Variants in LRP12 observed in about 807,000 individuals in gnomAD.
The protein encoded by LRP12 is low-density lipoprotein receptor-related protein 12.
A neutral mutation model predicts 66.0 loss-of-function variants in LRP12; 14 were observed. The ratio of observed to expected loss-of-function variants is 0.21; its 90% CI spans 0.14 to 0.33. LRP12 has a LOEUF of 0.33. Ranked by LOEUF, LRP12 falls within the 10% of genes least tolerant of loss-of-function variation. The pLI is 1.00. For synonymous variants in LRP12, 357 were observed against 359.1 expected (o/e 0.99, Z 0.07); for missense variants, 889 against 1,053.4 (o/e 0.84, Z 2.16).
intron 1 of LRP12, among the ~76,000 whole-genome samples, chr8:104,582,083 A>T (rs1298366480): frequency 6.6e-6 from 1 of 152,234 alleles, no homozygotes; most frequent in Non-Finnish European, 1.5e-5. Context: ...TGAAAAAGTA[A>T]ATTCCAACTA....
chr8:104,584,041 A>G (rs1812294515), intron 1 of LRP12, among the ~76,000 whole-genome samples: 1 of 152,068 alleles, frequency 6.6e-6, no homozygotes, highest in Admixed American at 6.5e-5. Context: ...ATTTGAATAG[A>G]TACATTGGTA....
intron 3 of LRP12, chr8:104,508,395 C>G (rs1810940225): frequency 6.6e-6 from 1 of 152,096 alleles, no homozygotes; most frequent in African/African-American, 2.4e-5. Flanking sequence ...CTAGGAATGC[C>G]TTTCATTTGT....
intron 2 of LRP12, among the ~76,000 whole-genome samples, chr8:104,517,756 T>C (rs1490452688): frequency 1.3e-5 from 2 of 152,028 alleles, no homozygotes; most frequent in African/African-American, 4.8e-5. Context: ...GGCTGATGAG[T>C]ACAAAAGCAA....
chr8:104,557,947 C>G (rs1434754350), intron 1 of LRP12, among the ~76,000 whole-genome samples: 2 of 152,238 alleles, frequency 1.3e-5, no homozygotes, highest in East Asian at 3.9e-4. Context: ...CAGTGGTTCA[C>G]TCCTGTAATC....
chr8:104,490,776 C>A lies in LRP12; in HGVS notation c.2477G>T (p.Cys826Phe). 6.2e-7 allele frequency: 1 copy of A among 1,614,122 alleles called. No individual in the cohort carries two copies. Among genetic ancestry groups the A allele is most frequent in the South Asian group, 1.1e-5 (1 of 91,078 alleles). ...AGTGTGGACAATACCACAGCGCTCA[C>A]AGGGGCCATCTCGATTACTTGGCCT... ...GVRPSNRDGP[C>F]ERCGIVHTAQ... The change falls in exon 7 of 7, where the codon TGT (cysteine) becomes TTT (phenylalanine). Residue 826 changes from cysteine to phenylalanine, a missense_variant. By Grantham distance (205) the Cys-to-Phe change is radical. This residue lies in a region of LRP12 where 800 missense variants were observed against 964.5 expected (regional missense o/e 0.83). Transcript: ENST00000276654.
At chr8:104,532,408 A>C (rs2140863139) in intron 1 of LRP12, among the ~76,000 whole-genome samples, 1 of 152,030 alleles carries the variant, frequency 6.6e-6, no homozygotes, top group East Asian at 1.9e-4. Flanking sequence ...ATTGTCTTCT[A>C]AATCTTCAAA....
chr8:104,521,987 T>G (rs2140854201), intron 2 of LRP12, among the ~76,000 whole-genome samples: 1 of 152,146 alleles, frequency 6.6e-6, no homozygotes, highest in South Asian at 2.1e-4. Context: ...AATTGTAAAC[T>G]TCTATCAGAG....
In LRP12 at chr8:104,548,612, A is replaced by AAATTAATTATATAATTATTATAT. The variant is rs1811674546; in HGVS notation, c.80-16672_80-16650dup. Among the ~76,000 whole-genome samples, 2 of 110,672 alleles carry AAATTAATTATATAATTATTATAT rather than the reference A, an allele frequency of 1.8e-5. 1 individual carries two copies. Among genetic ancestry groups the AAATTAATTATATAATTATTATAT allele is most frequent in the Non-Finnish European group, 3.6e-5 (2 of 55,912 alleles). The allele number at this position is 110,672 out of a possible 152,430, so 72.6% of individuals were successfully genotyped here. On this transcript the variant is annotated intron_variant, in intron 1 of 6. Transcript: ENST00000276654. ...GTATATAATATAGAATTATATAATT[A>AAATTAATTATATAATTATTATAT]AATTAATTATATAATTATTATATAA... is the stretch of plus-strand genomic sequence containing the variant.
Position 104,588,966 on chromosome 8 carries a change from G to T in LRP12, c.-69C>A. The T allele has an allele frequency of 1.2e-6, 1 of 809,926 alleles. No individual in the cohort carries two copies. The allele number at this position is 809,926 out of a possible 1,614,324, so 50.2% of individuals were successfully genotyped here. A position where few individuals can be genotyped will look rare whatever the true frequency, so the allele number is the denominator to read the frequency against. ...GGAGGAGAAGCTGGAGGTAGACGACGCCGACGCCGCCGCCGCCGCCGCCGC... is the reference window on the plus strand; with the variant it reads ...GGAGGAGAAGCTGGAGGTAGACGACTCCGACGCCGCCGCCGCCGCCGCCGC... On this transcript the variant is annotated 5_prime_UTR_variant, in exon 1 of 7. Transcript: ENST00000276654.
chr8:104,513,522 T>C (rs924855447), intron 2 of LRP12, among the ~76,000 whole-genome samples: 5 of 152,110 alleles, frequency 3.3e-5, no homozygotes, highest in African/African-American at 1.2e-4. Context: ...TCTGACCTTA[T>C]CTCCACAGAA....
At chr8:104,530,065 G>GT (rs373882364) in intron 2 of LRP12, among the ~76,000 whole-genome samples, 1 of 151,874 alleles carries the variant, frequency 6.6e-6, no homozygotes, top group Non-Finnish European at 1.5e-5. Flanking sequence ...TGTTCTTATT[G>GT]TTTTTTGTTT....
rs1275091371 is a variant in LRP12, at chr8:104,489,578, C to G, written c.*1095G>C. On this transcript the variant is annotated 3_prime_UTR_variant, in exon 7 of 7. Coordinates refer to ENST00000276654, the MANE Select transcript of LRP12 (RefSeq NM_013437.5). ...TTTCTTTTGAGAGTGTAGCATGATC[C>G]CCCCCAGGAATAAAATATATTGAAA... The G allele has an allele frequency of 4.6e-5, 7 of 151,856 alleles. No homozygotes were observed. The highest frequency in any genetic ancestry group is 2.1e-4 in the South Asian group (1 of 4,804). The allele number at this position is 151,856 out of a possible 1,614,324, so 9.4% of individuals were successfully genotyped here.
chr8:104,495,279 A>T, intron 5 of LRP12, 70 bp from the exon 6 acceptor site: 1 of 1,453,012 alleles, frequency 6.9e-7, no homozygotes, highest in Non-Finnish European at 9.5e-7. Flanking sequence ...TTCTATTATC[A>T]GTAATTAAAA....
In LRP12 at chr8:104,496,912, T is replaced by C. The variant is rs116398869; in HGVS notation, c.1580+60A>G. On this transcript the variant is annotated intron_variant, in intron 5 of 6. Transcript: ENST00000276654. Reference sequence around the variant, plus strand: ...AATACATTGCTAATCATCAAAGAACTTGTTTCAAACACTTGGGCCTGCTTT... The same window carrying C: ...AATACATTGCTAATCATCAAAGAACCTGTTTCAAACACTTGGGCCTGCTTT... 4,398 of 1,422,186 alleles carry C rather than the reference T, an allele frequency of 3.1e-3. 98 individuals carry two copies. In the African/African-American group the frequency reaches 0.047, roughly 15 times the overall value. The allele number at this position is 1,422,186 out of a possible 1,614,324, so 88.1% of individuals were successfully genotyped here. A position where few individuals can be genotyped will look rare whatever the true frequency, so the allele number is the denominator to read the frequency against.
intron 6 of LRP12, among the ~76,000 whole-genome samples, chr8:104,494,015 G>C (rs922455752): frequency 2.0e-5 from 3 of 152,180 alleles, no homozygotes; most frequent in Non-Finnish European, 4.4e-5. Context: ...GGGATTTGGG[G>C]AACTCCTTGA....
At chr8:104,493,019 C>A (rs1410813141) in intron 6 of LRP12, among the ~76,000 whole-genome samples, 1 of 152,118 alleles carries the variant, frequency 6.6e-6, no homozygotes, top group Non-Finnish European at 1.5e-5. Flanking sequence ...CTGCTATTAG[C>A]CATCAAGATC....
chr8:104,533,964 G>A (rs1287848905), intron 1 of LRP12, among the ~76,000 whole-genome samples: 2 of 151,446 alleles, frequency 1.3e-5, no homozygotes, highest in African/African-American at 4.9e-5. Context: ...ACTTCTTGCT[G>A]TGCAATTTAG....
At chr8:104,545,019 C>T (rs1335030292) in intron 1 of LRP12, among the ~76,000 whole-genome samples, 3 of 152,140 alleles carry the variant, frequency 2.0e-5, no homozygotes, top group Non-Finnish European at 1.5e-5. Context: ...TAAGAACATT[C>T]ATGATTCCAT....
At chr8:104,523,299 T>C (rs182334219) in intron 2 of LRP12, among the ~76,000 whole-genome samples, 24 of 152,324 alleles carry the variant, frequency 1.6e-4, no homozygotes, top group Admixed American at 1.4e-3. Flanking sequence ...TGTAAAATAC[T>C]AGTCTATCAT....
Sources: gnomAD v4.1 joint callset for allele counts (sites outside exome capture counted in the v4.1 genomes callset) on GRCh38, gnomAD v4.1.1 for gene constraint, gnomAD v4.1.1 regional missense constraint, MANE v1.5 for transcripts, NCBI Gene and HGNC (gene_info 2026-07-23, HGNC 2026-07-21) for gene names.